Variants in CAND1 observed in about 807,000 individuals in gnomAD.
CAND1 encodes the protein cullin associated and neddylation dissociated 1, also known as cullin-associated NEDD8-dissociated protein 1.
CAND1 carries 7 observed loss-of-function variants against 108.5 expected under a neutral mutation model. The ratio of observed to expected loss-of-function variants is 0.06; its 90% confidence interval spans 0.04 to 0.12. The LOEUF (loss-of-function observed/expected upper bound fraction) is 0.12, where lower values mean the gene tolerates loss of function less well. Among genes scored for constraint, CAND1 ranks in the 10% least tolerant of loss-of-function variants. CAND1 has a pLI of 1.00. For missense variants in CAND1, 941 were observed against 1,448.7 expected, an observed-to-expected ratio of 0.65 and a Z score of 5.69; for synonymous variants, 534 against 512.0, an observed-to-expected ratio of 1.04 and a Z score of -0.58.
chr12:67,277,510 A>G (rs983261755), intron 1 of CAND1, among the ~76,000 whole-genome samples: 1 of 152,210 alleles, frequency 6.6e-6, no homozygotes, highest in African/African-American at 2.4e-5. Context: ...CTTGGAGGCC[A>G]TATTAAACAA....
chr12:67,302,566 C>G lies in CAND1; in HGVS notation c.1244C>G (p.Pro415Arg), dbSNP rs764300645. 6.2e-7 allele frequency: 1 copy of G among 1,614,090 alleles called. No homozygotes were observed. The highest frequency in any genetic ancestry group is 8.5e-7 in the Non-Finnish European group (1 of 1,179,960). The part of the protein sequence containing the change: ...TRPVQSWLCD[P>R]DAMEQGETPL... ...CCTGTACAAAGTTGGCTATGTGACCCTGATGCAATGGAGCAGGGAGAAACA... is the reference window on the plus strand; with the variant it reads ...CCTGTACAAAGTTGGCTATGTGACCGTGATGCAATGGAGCAGGGAGAAACA... The change falls in exon 8 of 15, where the codon CCT (proline) becomes CGT (arginine). Residue 415 changes from proline to arginine, a missense_variant. By Grantham distance (103) the Pro-to-Arg change is moderately radical. Coordinates refer to ENST00000545606, the MANE Select transcript of CAND1 (RefSeq NM_018448.5).
At chr12:67,288,321 T>A (rs1050328104) in intron 2 of CAND1, among the ~76,000 whole-genome samples, 4 of 151,818 alleles carry the variant, frequency 2.6e-5, no homozygotes, top group African/African-American at 9.7e-5. Flanking sequence ...AGAGACAGGG[T>A]TTCACCATGT....
chr12:67,284,754 A>G (rs2044653503), intron 2 of CAND1, among the ~76,000 whole-genome samples: 1 of 151,772 alleles, frequency 6.6e-6, no homozygotes, highest in Non-Finnish European at 1.5e-5. Flanking sequence ...GCACACATAC[A>G]CACACACACA....
intron 8 of CAND1, among the ~76,000 whole-genome samples, chr12:67,303,535 GTC>G (rs2044846688): frequency 6.6e-6 from 1 of 152,176 alleles, no homozygotes; most frequent in South Asian, 2.1e-4. Context: ...GCTATGGAAA[GTC>G]AGACATTTTT....
At chr12:67,300,144 C>A (rs572142534) in intron 7 of CAND1, among the ~76,000 whole-genome samples, 4 of 152,254 alleles carry the variant, frequency 2.6e-5, no homozygotes, top group Non-Finnish European at 4.4e-5. Flanking sequence ...GGCAACATTT[C>A]TTTATTTAGC....
Position 67,305,818 on chromosome 12 carries a change from C to T in CAND1, c.2150C>T (p.Thr717Ile), listed in dbSNP as rs139674316. The T allele has an allele frequency of 2.5e-6, 4 of 1,614,054 alleles. No individual in the cohort carries two copies. The African/African-American group carries it at 5.3e-5, about 22-fold the overall frequency. ...HVSQMAISFL[T>I]TLAKVYPSSL... ...TCACAAATGGCCATCAGTTTTCTTA[C>T]CACTTTGGCAAAAGTATATCCCTCC... Residue 717 changes from threonine to isoleucine, a missense_variant, in exon 10 of 15, where the codon ACC (threonine) becomes ATC (isoleucine). Physicochemically the swap from Thr to Ile is moderately conservative, Grantham distance 89 (BLOSUM62 -1). This residue lies in a region of CAND1 where 697 missense variants were observed against 942.0 expected (regional missense o/e 0.74). Coordinates refer to ENST00000545606, the MANE Select transcript of CAND1 (RefSeq NM_018448.5). This position sits in a 1 kb window ranked among gnomAD's most constrained non-coding sequence, Gnocchi z 4.4.
Position 67,312,663 on chromosome 12 carries a change from G to T in CAND1, c.3526G>T (p.Ala1176Ser). ...AAAACAAGATGAATTAAAGCGATCT[G>T]CCATGAGAGCAGTAGCAGCACTGCT... Reference protein sequence around the residue: ...FEKQDELKRSAMRAVAALLTI... With the variant: ...FEKQDELKRSSMRAVAALLTI... The change falls in exon 15 of 15, where the codon GCC (alanine) becomes TCC (serine). Residue 1176 changes from alanine to serine, a missense_variant. Physicochemically the swap from Ala to Ser is moderately conservative, Grantham distance 99 (BLOSUM62 1). Coordinates refer to ENST00000545606, the MANE Select transcript of CAND1 (RefSeq NM_018448.5). 6.2e-7 allele frequency: 1 copy of T among 1,613,514 alleles called. No individual in the cohort carries two copies. Among genetic ancestry groups the T allele is most frequent in the Non-Finnish European group, 8.5e-7 (1 of 1,179,750 alleles).
chr12:67,279,969 T>C (rs914040243), intron 1 of CAND1, among the ~76,000 whole-genome samples: 1 of 152,222 alleles, frequency 6.6e-6, no homozygotes, highest in African/African-American at 2.4e-5. Context: ...CAGTACTTTG[T>C]GTGCAGGAGT....
At chr12:67,282,711 A>G (rs989888891) in intron 2 of CAND1, among the ~76,000 whole-genome samples, 1 of 152,178 alleles carries the variant, frequency 6.6e-6, no homozygotes, top group African/African-American at 2.4e-5. Context: ...CTAATAATAA[A>G]ATTCTTAATA....
At chr12:67,290,600 A>T (rs1191670318) in intron 2 of CAND1, among the ~76,000 whole-genome samples, 2 of 152,092 alleles carry the variant, frequency 1.3e-5, no homozygotes, top group African/African-American at 4.8e-5. Context: ...AAGTTTTTTT[A>T]AATTTGTTTT....
At chr12:67,292,990 T>C (rs1387119981) in intron 3 of CAND1, 1 of 480,894 alleles carries the variant, frequency 2.1e-6, no homozygotes, top group African/African-American at 2.0e-5. Flanking sequence ...TTGTATGTAA[T>C]ATGAATTTCA....
intron 7 of CAND1, among the ~76,000 whole-genome samples, chr12:67,299,583 ATTAG>A (rs2044803853): frequency 6.6e-6 from 1 of 152,158 alleles, no homozygotes; most frequent in Non-Finnish European, 1.5e-5. Context: ...TTGAAAGAAT[ATTAG>A]TTTGTTTATT....
At chr12:67,271,308 G>T (rs909669066) in intron 1 of CAND1, among the ~76,000 whole-genome samples, 2 of 152,232 alleles carry the variant, frequency 1.3e-5, no homozygotes, top group Middle Eastern at 3.4e-3. Flanking sequence ...TTGGGGCTTT[G>T]CTTGCTTCCA....
chr12:67,319,897 A>G lies in CAND1; in HGVS notation c.*7067A>G, dbSNP rs971175433. 6 of 152,238 alleles carry G rather than the reference A, an allele frequency of 3.9e-5. No individual in the cohort carries two copies. Among genetic ancestry groups the G allele is most frequent in the Non-Finnish European group, 8.8e-5 (6 of 68,034 alleles). 9.4% of individuals were successfully genotyped at this position (152,238 alleles called of 1,614,324 possible). On this transcript the variant is annotated 3_prime_UTR_variant, in exon 15 of 15. Coordinates refer to ENST00000545606, the MANE Select transcript of CAND1 (RefSeq NM_018448.5). ...ATGGTTTTGGATTCATTCCTTTTAAAAAATATTTACTGTCATTTCAGTAGA... is the reference window on the plus strand; with the variant it reads ...ATGGTTTTGGATTCATTCCTTTTAAGAAATATTTACTGTCATTTCAGTAGA...
intron 7 of CAND1, among the ~76,000 whole-genome samples, chr12:67,300,879 A>G (rs2044818508): frequency 6.6e-6 from 1 of 152,090 alleles, no homozygotes; most frequent in African/African-American, 2.4e-5. Context: ...CAGGTTTTGA[A>G]TTTTGTTTTT....
intron 6 of CAND1, among the ~76,000 whole-genome samples, chr12:67,298,216 GT>G (rs2044788727): frequency 1.3e-5 from 2 of 152,100 alleles, no homozygotes; most frequent in South Asian, 4.1e-4. Context: ...AATTTCTTAG[GT>G]CACATCCATT....
intron 2 of CAND1, among the ~76,000 whole-genome samples, chr12:67,289,999 G>A (rs1458289792): frequency 6.6e-6 from 1 of 152,078 alleles, no homozygotes; most frequent in African/African-American, 2.4e-5. Context: ...TTGGCTGCCA[G>A]TTTTATCACA....
rs2044864858 is a variant in CAND1 at position 67,305,068 on chromosome 12, G to A, written c.1436-36G>A. ...TTTAATTTTTCTTTCTTAAAAGTCT[G>A]CACAGCAATGATTGGATTTTTTGTT... On this transcript the variant is annotated intron_variant, in intron 9 of 14. Transcript: ENST00000545606. The surrounding 1 kb of genome is among the most constrained non-coding windows in gnomAD (Gnocchi z 4.4). 3.2e-6 allele frequency: 5 copies of A among 1,563,262 alleles called. No homozygotes were observed. The highest frequency in any genetic ancestry group is 1.2e-5 in the South Asian group (1 of 84,828).
chr12:67,286,280 G>A (rs2044670776), intron 2 of CAND1, among the ~76,000 whole-genome samples: 1 of 152,264 alleles, frequency 6.6e-6, no homozygotes, highest in Admixed American at 6.5e-5. Context: ...AAAGTGCTGG[G>A]ATTACAGGCT....
Sources: gnomAD v4.1 joint callset for allele counts (sites outside exome capture counted in the v4.1 genomes callset) on GRCh38, gnomAD v4.1.1 for gene constraint, gnomAD v4.1.1 regional missense constraint, Gnocchi (gnomAD v3.1) non-coding constraint, MANE v1.5 for transcripts, NCBI Gene and HGNC (gene_info 2026-07-23, HGNC 2026-07-21) for gene names.